PEPD: variants seen among roughly 807,000 people sequenced by gnomAD.
The protein encoded by PEPD is peptidase D.
PEPD carries 53 observed loss-of-function variants against 60.7 expected under a neutral mutation model. That is an observed-to-expected ratio of 0.87 (90% confidence interval 0.70 to 1.10). The LOEUF (loss-of-function observed/expected upper bound fraction) is 1.10, where lower values mean the gene tolerates loss of function less well. Ranked by LOEUF, PEPD falls within the 50% of genes least tolerant of loss-of-function variation. The pLI, the probability that PEPD is intolerant of heterozygous loss-of-function variation, is 0.00. For missense variants in PEPD, 711 were observed against 711.9 expected, an observed-to-expected ratio of 1.00 and a Z score of 0.01; for synonymous variants, 267 against 284.1, an observed-to-expected ratio of 0.94 and a Z score of 0.60.
rs141580098 is a variant in PEPD at position 33,435,244 on chromosome 19, G to A, written c.672-21601C>T. On this transcript the variant is annotated intron_variant, in intron 9 of 14. Transcript: ENST00000244137. ...AACCCAAAGGCCCCTCGGCTGGGCC[G>A]GCGTCTGATCCCGACTCAAAGCCAC... is the stretch of plus-strand genomic sequence containing the variant. 2.0e-3 allele frequency among the ~76,000 whole-genome samples: 302 copies of A among 151,816 alleles called. 1 individual carries two copies. Among genetic ancestry groups the A allele is most frequent in the African/African-American group, 6.5e-3 (267 of 41,370 alleles).
At position 33,431,162 on chromosome 19, in the gene PEPD, A is replaced by AGAAGGAAG. The variant is rs1275772073; in HGVS notation, c.672-17527_672-17520dup. Among the ~76,000 whole-genome samples the AGAAGGAAG allele has an allele frequency of 3.0e-3, 411 of 134,918 alleles. 9 individuals carry two copies. The highest frequency in any genetic ancestry group is 0.028 in the Admixed American group (369 of 13,208). The allele number at this position is 134,918 out of a possible 152,430, so 88.5% of individuals were successfully genotyped here. On this transcript the variant is annotated intron_variant, in intron 9 of 14. Coordinates refer to ENST00000244137, the MANE Select transcript of PEPD (RefSeq NM_000285.4). Reference sequence around the variant, plus strand: ...AGAAAGGGAGAGAGGAAGGAAGGAAAGAAGGAAGGAAGGAAGGAAGGGAGG... The same window carrying AGAAGGAAG: ...AGAAAGGGAGAGAGGAAGGAAGGAAAGAAGGAAGGAAGGAAGGAAGGAAGGAAGGGAGG...
At chr19:33,462,071 C>T (rs553265347) in intron 9 of PEPD, among the ~76,000 whole-genome samples, 97 of 152,360 alleles carry the variant, frequency 6.4e-4, no homozygotes, top group African/African-American at 2.3e-3. Flanking sequence ...CATCCGACCT[C>T]GGCCCTGCAC....
rs1968855424 is a variant in PEPD at position 33,414,856 on chromosome 19, TC to T, written c.672-1214del. The stretch of plus-strand genomic sequence containing the variant: ...ATTGGGTATCTGCGAGTGAAATATT[TC>T]CTGAAAAGAAAGGATTTCAGGAGCT... On this transcript the variant is annotated intron_variant, in intron 9 of 14. Transcript: ENST00000244137. 2.6e-5 allele frequency among the ~76,000 whole-genome samples: 4 copies of T among 152,310 alleles called. No individual in the cohort carries two copies. The South Asian group carries it at 8.3e-4, about 32-fold the overall frequency.
At chr19:33,485,915 G>A (rs1210621127) in intron 6 of PEPD, among the ~76,000 whole-genome samples, 1 of 135,326 alleles carries the variant, frequency 7.4e-6, no homozygotes. Context: ...CCTGGGTACA[G>A]CTTCTGTCTG....
At chr19:33,494,493 T>C (rs1970561464) in intron 4 of PEPD, among the ~76,000 whole-genome samples, 1 of 152,232 alleles carries the variant, frequency 6.6e-6, no homozygotes, top group Admixed American at 6.5e-5. Flanking sequence ...TACAATCCTA[T>C]CTCCAGAGAC....
chr19:33,428,861 A>C (rs1408275842), intron 9 of PEPD, among the ~76,000 whole-genome samples: 1 of 152,240 alleles, frequency 6.6e-6, no homozygotes, highest in Non-Finnish European at 1.5e-5. Flanking sequence ...GCAGGCCTGA[A>C]CATGCCCAAC....
At chr19:33,463,958 C>G in intron 8 of PEPD, 29 bp downstream of exon 8, 1 of 1,494,438 alleles carries the variant, frequency 6.7e-7, no homozygotes, top group South Asian at 1.2e-5. Context: ...CTGCTTTCCC[C>G]ACTCAACCAG....
intron 4 of PEPD, among the ~76,000 whole-genome samples, chr19:33,497,769 C>T (rs992515333): frequency 6.6e-6 from 1 of 152,182 alleles, no homozygotes; most frequent in Non-Finnish European, 1.5e-5. Flanking sequence ...CCTGGGATAC[C>T]TCCCAGCTCA....
intron 7 of PEPD, among the ~76,000 whole-genome samples, chr19:33,474,475 A>C (rs914191959): frequency 1.3e-5 from 2 of 152,240 alleles, no homozygotes; most frequent in African/African-American, 4.8e-5. Context: ...CAGTGTTATC[A>C]AGATGTGCCA....
chr19:33,480,379 G>C (rs1384962031), intron 6 of PEPD, among the ~76,000 whole-genome samples: 1 of 152,148 alleles, frequency 6.6e-6, no homozygotes, highest in Non-Finnish European at 1.5e-5. Context: ...GCACATAACA[G>C]AGCCCTAAGA....
At chr19:33,388,152 G>T in intron 13 of PEPD, 71 bp from the exon 14 acceptor site, 1 of 1,249,574 alleles carries the variant, frequency 8.0e-7, no homozygotes, top group Non-Finnish European at 1.1e-6. Flanking sequence ...AGGAGAGATG[G>T]GCATGTGAGG....
intron 6 of PEPD, among the ~76,000 whole-genome samples, chr19:33,484,327 A>G (rs1156646204): frequency 6.6e-6 from 1 of 152,182 alleles, no homozygotes; most frequent in Non-Finnish European, 1.5e-5. Context: ...TCAGCAGCCA[A>G]ACACACCACC....
intron 7 of PEPD, among the ~76,000 whole-genome samples, chr19:33,467,982 G>A (rs184742849): frequency 2.0e-5 from 3 of 152,288 alleles, no homozygotes; most frequent in East Asian, 1.9e-4. Flanking sequence ...ATGGAGAGAC[G>A]GATACAGCGC....
chr19:33,408,753 T>A (rs1568456248), intron 11 of PEPD, among the ~76,000 whole-genome samples: 4 of 152,328 alleles, frequency 2.6e-5, no homozygotes, highest in African/African-American at 9.6e-5. Context: ...GCTGGGCTCA[T>A]GCTTTAGTTT....
At chr19:33,445,787 T>A (rs1359412488) in intron 9 of PEPD, among the ~76,000 whole-genome samples, 2 of 152,180 alleles carry the variant, frequency 1.3e-5, no homozygotes, top group Non-Finnish European at 2.9e-5. Flanking sequence ...GGGCCTGCAC[T>A]GCCCATGACC....
intron 7 of PEPD, among the ~76,000 whole-genome samples, chr19:33,464,399 C>T (rs1321680194): frequency 6.6e-6 from 1 of 152,214 alleles, no homozygotes; most frequent in Non-Finnish European, 1.5e-5. Flanking sequence ...TCAGTTTCCC[C>T]ATGCATGGAA....
chr19:33,387,755 C>A, intron 14 of PEPD, 135 bp downstream of exon 14: 1 of 828,340 alleles, frequency 1.2e-6, no homozygotes, highest in Non-Finnish European at 2.0e-6. Context: ...CTGTGACAGA[C>A]CACACGAAGG....
chr19:33,491,182 C>T lies in PEPD; in HGVS notation c.442-1125G>A, dbSNP rs767495175. On this transcript the variant is annotated intron_variant, in intron 5 of 14. Coordinates refer to ENST00000244137, the MANE Select transcript of PEPD (RefSeq NM_000285.4). ...ATTAAGAAAAGAGAAAGGCTGGGCA[C>T]GGTGGCTCACGCCTGTAATCCCAGC... Among the ~76,000 whole-genome samples, 9 of 151,970 alleles carry T rather than the reference C, an allele frequency of 5.9e-5. No individual in the cohort carries two copies. The South Asian group carries it at 8.3e-4, about 14-fold the overall frequency.
At chr19:33,412,463 C>T (rs1159018546) in intron 10 of PEPD, among the ~76,000 whole-genome samples, 4 of 152,192 alleles carry the variant, frequency 2.6e-5, no homozygotes, top group Non-Finnish European at 4.4e-5. Context: ...GAAAGGGCCC[C>T]GGCTGTCCTG....
Sources: allele counts gnomAD v4.1 joint callset (sites outside exome capture counted in the v4.1 genomes callset), GRCh38; gene constraint gnomAD v4.1.1; transcripts MANE v1.5; gene names NCBI Gene and HGNC (gene_info 2026-07-23, HGNC 2026-07-21).